The following DSCAM variants were observed in gnomAD, a reference collection of about 807,000 sequenced individuals.
DSCAM encodes cell adhesion molecule DSCAM.
In DSCAM, 47 loss-of-function variants were observed where a neutral mutation model predicts 217.7. The ratio of observed to expected loss-of-function variants is 0.22; its 90% CI spans 0.17 to 0.28. The LOEUF (loss-of-function observed/expected upper bound fraction) is 0.28. DSCAM is among the 10% of genes least tolerant of loss of function. The probability of loss-of-function intolerance (pLI) is 1.00; values close to 1 mark genes in which losing one functional copy is unlikely to be tolerated. For synonymous variants in DSCAM, 1,056 were observed against 1,015.3 expected (o/e 1.04, Z -0.76); for missense variants, 2,080 against 2,618.3 (o/e 0.79, Z 4.49).
chr21:40,143,172 C>T (rs565431213), intron 17 of DSCAM, among the ~76,000 whole-genome samples: 1 of 152,304 alleles, frequency 6.6e-6, no homozygotes, highest in East Asian at 1.9e-4. Flanking sequence ...AAAGTAGAAA[C>T]ATAATCATAG....
chr21:40,441,158 A>G (rs2075626840), intron 3 of DSCAM, among the ~76,000 whole-genome samples: 1 of 152,212 alleles, frequency 6.6e-6, no homozygotes, highest in South Asian at 2.1e-4. Context: ...GACCAGATCT[A>G]GACCCTAGAG....
At chr21:40,452,754 A>T (rs564311880) in intron 3 of DSCAM, among the ~76,000 whole-genome samples, 1 of 152,162 alleles carries the variant, frequency 6.6e-6, no homozygotes, top group East Asian at 1.9e-4. Context: ...GATGCAAACC[A>T]TTCTCTACCA....
rs2076488544 is a variant in DSCAM, at chr21:40,535,506, A to C, written c.508+157304T>G. On this transcript the variant is annotated intron_variant, in intron 3 of 32. Coordinates refer to ENST00000400454, the MANE Select transcript of DSCAM (RefSeq NM_001389.5). ...TCACAGTGTTTGTCGAAGTTAAAAAATAAATTATCAGCATCATTCCTACTG... is the reference window on the plus strand; with the variant it reads ...TCACAGTGTTTGTCGAAGTTAAAAACTAAATTATCAGCATCATTCCTACTG... 2.0e-5 allele frequency among the ~76,000 whole-genome samples: 3 copies of C among 152,374 alleles called. No homozygotes were observed. The Middle Eastern group carries it at 0.01, about 518-fold the overall frequency.
chr21:40,718,068 A>G (rs1345905751), intron 1 of DSCAM, among the ~76,000 whole-genome samples: 1 of 152,188 alleles, frequency 6.6e-6, no homozygotes, highest in Non-Finnish European at 1.5e-5. Context: ...TGGGAGCAAA[A>G]AGAGTGAAGA....
At chr21:40,591,497 T>C (rs2076984228) in intron 3 of DSCAM, among the ~76,000 whole-genome samples, 1 of 152,230 alleles carries the variant, frequency 6.6e-6, no homozygotes, top group Non-Finnish European at 1.5e-5. Flanking sequence ...GTATGTTAAC[T>C]TGTTTTCTAT....
At position 40,204,302 on chromosome 21, in the gene DSCAM, C is replaced by T. The variant is rs950572031; in HGVS notation, c.2357-15064G>A. 5.9e-5 allele frequency among the ~76,000 whole-genome samples: 9 copies of T among 152,192 alleles called. No individual in the cohort carries two copies. In the South Asian group the frequency reaches 6.2e-4, roughly 11 times the overall value. On this transcript the variant is annotated intron_variant, in intron 11 of 32. Transcript: ENST00000400454. Reference sequence around the variant, plus strand: ...GTGTGTGCCTGTGTGCATGTGTTTGCGTGGATGTGGATGTGTGTTTATGTT... The same window carrying T: ...GTGTGTGCCTGTGTGCATGTGTTTGTGTGGATGTGGATGTGTGTTTATGTT...
intron 3 of DSCAM, among the ~76,000 whole-genome samples, chr21:40,529,591 C>T (rs2076427000): frequency 6.6e-6 from 1 of 151,962 alleles, no homozygotes; most frequent in Non-Finnish European, 1.5e-5. Flanking sequence ...ACCATCATGT[C>T]CCTCATATCA....
At chr21:40,287,972 A>C (rs1262080576) in intron 10 of DSCAM, among the ~76,000 whole-genome samples, 1 of 152,206 alleles carries the variant, frequency 6.6e-6, no homozygotes, top group African/African-American at 2.4e-5. Flanking sequence ...GGAGAAATAC[A>C]ATCTCAAGAG....
chr21:40,465,128 C>T (rs948912699), intron 3 of DSCAM, among the ~76,000 whole-genome samples: 1 of 151,986 alleles, frequency 6.6e-6, no homozygotes, highest in Non-Finnish European at 1.5e-5. Context: ...AATAAGATCC[C>T]AATTCCCTTC....
chr21:40,498,417 C>T (rs930713434), intron 3 of DSCAM, among the ~76,000 whole-genome samples: 2 of 151,626 alleles, frequency 1.3e-5, no homozygotes, highest in Non-Finnish European at 2.9e-5. Flanking sequence ...CATGGGCTTC[C>T]CTTTCTGCTG....
chr21:40,369,765 A>T (rs1456351269), intron 3 of DSCAM, among the ~76,000 whole-genome samples: 1 of 152,196 alleles, frequency 6.6e-6, no homozygotes, highest in South Asian at 2.1e-4. Context: ...AATATTCTAC[A>T]AACTTCCCCT....
At chr21:40,533,061 A>C (rs1220344316) in intron 3 of DSCAM, among the ~76,000 whole-genome samples, 1 of 152,148 alleles carries the variant, frequency 6.6e-6, no homozygotes, top group Non-Finnish European at 1.5e-5. Flanking sequence ...TTAACTTTAC[A>C]AGTTCAATGG....
chr21:40,348,924 G>A (rs531530544), intron 5 of DSCAM, among the ~76,000 whole-genome samples: 45 of 151,750 alleles, frequency 3.0e-4, no homozygotes, highest in African/African-American at 1.1e-3. Flanking sequence ...GGAGGATCAC[G>A]AGGTCAGGAG....
At chr21:40,197,532 G>T (rs901586365) in intron 11 of DSCAM, among the ~76,000 whole-genome samples, 1 of 148,626 alleles carries the variant, frequency 6.7e-6, no homozygotes, top group Non-Finnish European at 1.5e-5. Context: ...ATTTTATTTA[G>T]TAAGTTTATT....
At chr21:40,323,472 T>C (rs557686912) in intron 8 of DSCAM, among the ~76,000 whole-genome samples, 1 of 152,236 alleles carries the variant, frequency 6.6e-6, no homozygotes, top group South Asian at 2.1e-4. Context: ...CTATACATGA[T>C]GAAAAGTATC....
At chr21:40,603,056 C>T (rs2077074334) in intron 3 of DSCAM, among the ~76,000 whole-genome samples, 1 of 151,806 alleles carries the variant, frequency 6.6e-6, no homozygotes, top group East Asian at 1.9e-4. Flanking sequence ...TTTAAATTTC[C>T]CTTGAGATTT....
At chr21:40,631,056 T>C (rs1291757565) in intron 3 of DSCAM, among the ~76,000 whole-genome samples, 1 of 152,244 alleles carries the variant, frequency 6.6e-6, no homozygotes, top group Admixed American at 6.5e-5. Flanking sequence ...TCAGCAGTTA[T>C]GGCCATTAAG....
intron 10 of DSCAM, among the ~76,000 whole-genome samples, chr21:40,278,736 A>AGGAGG (rs1555898222): frequency 1.3e-5 from 2 of 151,548 alleles, no homozygotes; most frequent in Non-Finnish European, 2.9e-5. Flanking sequence ...GGAGGAAGAG[A>AGGAGG]AGGAGGAGGA....
At chr21:40,222,804 C>T (rs1291841173) in intron 11 of DSCAM, among the ~76,000 whole-genome samples, 2 of 152,106 alleles carry the variant, frequency 1.3e-5, no homozygotes, top group African/African-American at 4.8e-5. Flanking sequence ...CCTTTGGAAT[C>T]TTCAAGAATT....
Sources: gnomAD v4.1 joint callset for allele counts (sites outside exome capture counted in the v4.1 genomes callset) on GRCh38, gnomAD v4.1.1 for gene constraint, MANE v1.5 for transcripts, NCBI Gene and HGNC (gene_info 2026-07-23, HGNC 2026-07-21) for gene names.